The following HS3ST4 variants were observed in gnomAD, a reference collection of about 807,000 sequenced individuals.
The protein encoded by HS3ST4 is heparan sulfate-glucosamine 3-sulfotransferase 4.
In HS3ST4, 17 loss-of-function variants were observed where a neutral mutation model predicts 29.2. That is an observed-to-expected ratio of 0.58 (90% CI 0.40 to 0.87). The LOEUF (loss-of-function observed/expected upper bound fraction) is 0.87, where lower values mean the gene tolerates loss of function less well. HS3ST4 is among the 40% of genes least tolerant of loss of function. The probability of loss-of-function intolerance (pLI) is 0.00; values close to 1 mark genes in which losing one functional copy is unlikely to be tolerated. For missense variants in HS3ST4, 627 were observed against 634.5 expected, an observed-to-expected ratio of 0.99 and a Z score of 0.13; for synonymous variants, 314 against 285.7, an observed-to-expected ratio of 1.10 and a Z score of -1.00.
chr16:25,857,238 G>A (rs951999175), intron 1 of HS3ST4, among the ~76,000 whole-genome samples: 1 of 152,108 alleles, frequency 6.6e-6, no homozygotes, highest in Non-Finnish European at 1.5e-5. Flanking sequence ...TCTTCTCCAG[G>A]TGGGTAGATC....
chr16:25,796,044 T>G (rs761319487), intron 1 of HS3ST4, among the ~76,000 whole-genome samples: 3 of 152,184 alleles, frequency 2.0e-5, no homozygotes, highest in Non-Finnish European at 4.4e-5. Context: ...TGAATGCTGG[T>G]CTCACTGACC....
chr16:25,737,905 CTTTT>C (rs11314900), intron 1 of HS3ST4, among the ~76,000 whole-genome samples: 38 of 125,820 alleles, frequency 3.0e-4, no homozygotes, highest in Admixed American at 2.4e-4. Context: ...CCTGTAGCTT[CTTTT>C]TTTTTTTTTT....
intron 1 of HS3ST4, among the ~76,000 whole-genome samples, chr16:25,879,631 A>G (rs146446663): frequency 6.6e-6 from 1 of 152,094 alleles, no homozygotes; most frequent in Non-Finnish European, 1.5e-5. Context: ...GGGAGCTACA[A>G]GATTAGATTT....
intron 1 of HS3ST4, among the ~76,000 whole-genome samples, chr16:26,086,422 T>G (rs1191456100): frequency 6.6e-6 from 1 of 152,036 alleles, no homozygotes; most frequent in Non-Finnish European, 1.5e-5. Flanking sequence ...CGATCTCGGC[T>G]CACTGCAAGC....
intron 1 of HS3ST4, among the ~76,000 whole-genome samples, chr16:25,869,780 G>A (rs1967730674): frequency 6.6e-6 from 1 of 152,208 alleles, no homozygotes; most frequent in South Asian, 2.1e-4. Flanking sequence ...CCTGGGAGTA[G>A]TTGGCATTTA....
chr16:25,990,326 A>G (rs1969103606), intron 1 of HS3ST4, among the ~76,000 whole-genome samples: 1 of 152,200 alleles, frequency 6.6e-6, no homozygotes, highest in South Asian at 2.1e-4. Flanking sequence ...TTTGTGAGAA[A>G]CTGCCAAACT....
intron 1 of HS3ST4, among the ~76,000 whole-genome samples, chr16:26,101,298 A>T (rs1898987237): frequency 6.6e-6 from 1 of 152,214 alleles, no homozygotes; most frequent in Admixed American, 6.5e-5. Context: ...CTCTTCCTGC[A>T]GAATGCAGCC....
chr16:26,126,341 G>A (rs938752228), intron 1 of HS3ST4, among the ~76,000 whole-genome samples: 3 of 152,180 alleles, frequency 2.0e-5, no homozygotes, highest in African/African-American at 7.2e-5. Context: ...CAGCCTGCAG[G>A]TTGTCTCAGT....
At chr16:26,024,031 C>A (rs993934627) in intron 1 of HS3ST4, among the ~76,000 whole-genome samples, 1 of 151,966 alleles carries the variant, frequency 6.6e-6, no homozygotes, top group Non-Finnish European at 1.5e-5. Flanking sequence ...TTGAGACCAG[C>A]CTGGCCAACA....
chr16:25,849,609 G>A (rs1248388474), intron 1 of HS3ST4, among the ~76,000 whole-genome samples: 6 of 152,046 alleles, frequency 3.9e-5, no homozygotes, highest in Non-Finnish European at 7.4e-5. Context: ...CCATCCTCCC[G>A]TCTTTGCACC....
intron 1 of HS3ST4, among the ~76,000 whole-genome samples, chr16:26,014,131 A>G (rs1025392374): frequency 7.2e-5 from 11 of 152,046 alleles, no homozygotes; most frequent in Admixed American, 7.2e-4. Flanking sequence ...CTTTGTGGCA[A>G]TTCTCATCTG....
chr16:25,977,737 C>T (rs1392333425), intron 1 of HS3ST4, among the ~76,000 whole-genome samples: 1 of 152,156 alleles, frequency 6.6e-6, no homozygotes, highest in East Asian at 1.9e-4. Context: ...AGTGGAAGGA[C>T]ATTGTTTATT....
At chr16:25,830,210 T>C (rs1292100043) in intron 1 of HS3ST4, among the ~76,000 whole-genome samples, 2 of 152,240 alleles carry the variant, frequency 1.3e-5, no homozygotes, top group Admixed American at 1.3e-4. Context: ...GCCTGGAAGA[T>C]AGTAGACAAT....
At chr16:25,822,116 T>G (rs570097407) in intron 1 of HS3ST4, among the ~76,000 whole-genome samples, 2 of 152,266 alleles carry the variant, frequency 1.3e-5, no homozygotes, top group African/African-American at 4.8e-5. Context: ...TTCTGGGAAG[T>G]CCAGCGTCTT....
intron 1 of HS3ST4, among the ~76,000 whole-genome samples, chr16:25,696,156 G>A (rs1402793217): frequency 6.6e-6 from 1 of 152,324 alleles, no homozygotes; most frequent in African/African-American, 2.4e-5. Context: ...ACAGAGAAGC[G>A]AGCCTCACTT....
intron 1 of HS3ST4, among the ~76,000 whole-genome samples, chr16:26,088,158 G>A (rs1429364745): frequency 2.0e-5 from 3 of 152,108 alleles, no homozygotes; most frequent in African/African-American, 7.2e-5. Context: ...GCATGCTATG[G>A]CTGCATAATC....
In HS3ST4 at chr16:26,136,416, G is replaced by C; in HGVS notation, c.*168G>C. The C allele has an allele frequency of 1.5e-6, 1 of 663,198 alleles. No homozygotes were observed. The highest frequency in any genetic ancestry group is 2.5e-6 in the Non-Finnish European group (1 of 395,890). 41.1% of individuals were successfully genotyped at this position (663,198 alleles called of 1,614,324 possible). On this transcript the variant is annotated 3_prime_UTR_variant, in exon 2 of 2. Coordinates refer to ENST00000331351, the MANE Select transcript of HS3ST4 (RefSeq NM_006040.3). ...TGCTGTTAGCTTAGGCAAACAGGTGGATCCCATGGCATCCCCATGGAGGAA... is the reference window on the plus strand; with the variant it reads ...TGCTGTTAGCTTAGGCAAACAGGTGCATCCCATGGCATCCCCATGGAGGAA...
intron 1 of HS3ST4, among the ~76,000 whole-genome samples, chr16:26,112,264 GT>G (rs1899142290): frequency 6.6e-6 from 1 of 151,570 alleles, no homozygotes; most frequent in African/African-American, 2.4e-5. Flanking sequence ...GTGTGTGTGT[GT>G]GTGTGTGTGT....
chr16:25,910,670 A>G (rs977942424), intron 1 of HS3ST4, among the ~76,000 whole-genome samples: 2 of 152,152 alleles, frequency 1.3e-5, no homozygotes, highest in African/African-American at 4.8e-5. Flanking sequence ...GTTAAACAAA[A>G]AAAACAAGTT....
Sources: allele counts gnomAD v4.1 joint callset (sites outside exome capture counted in the v4.1 genomes callset), GRCh38; gene constraint gnomAD v4.1.1; transcripts MANE v1.5; gene names NCBI Gene and HGNC (gene_info 2026-07-23, HGNC 2026-07-21).